KCNQ1OT1: variants seen among roughly 807,000 people sequenced by gnomAD.
KCNQ1OT1 encodes KCNQ1 antisense RNA 2 (non-protein coding).
At chr11:2,609,896 G>GCC (rs920415870) in exon 1 of KCNQ1OT1, 2 of 397,792 alleles carry the variant, frequency 5.0e-6, no homozygotes, top group African/African-American at 4.1e-5. Context: ...CTTTCAGTTG[G>GCC]CATTTATCAT....
chr11:2,666,187 C>A, exon 1 of KCNQ1OT1: 1 of 398,600 alleles, frequency 2.5e-6, no homozygotes, highest in South Asian at 1.3e-4. Context: ...AGATACCGCC[C>A]TCAGTCCCAC....
At position 2,658,316 on chromosome 11, in the gene KCNQ1OT1, T is replaced by C. The variant is rs1325330137; in HGVS notation, n.41679A>G. ...GGAATTCCTTTATAAGGAAGATTTG[T>C]CCCTCTCCTCCAATTGTTTATTTAA... On this transcript the variant is annotated non_coding_transcript_exon_variant, in exon 1 of 1. Transcript: ENST00000597346. This position sits in a 1 kb window ranked among gnomAD's most constrained non-coding sequence, Gnocchi z 4.9. The C allele has an allele frequency of 4.3e-5, 17 of 398,474 alleles. No homozygotes were observed. The highest frequency in any genetic ancestry group is 6.6e-5 in the Non-Finnish European group (15 of 226,060). 24.7% of individuals were successfully genotyped at this position (398,474 alleles called of 1,614,324 possible).
chr11:2,684,088 G>T (rs1356781952), exon 1 of KCNQ1OT1: 1 of 398,254 alleles, frequency 2.5e-6, no homozygotes, highest in Non-Finnish European at 4.4e-6. Context: ...AACTGGTACA[G>T]CAATTTCAGA....
chr11:2,670,969 C>T lies in KCNQ1OT1; in HGVS notation n.29026G>A, dbSNP rs1025927192. On this transcript the variant is annotated non_coding_transcript_exon_variant, in exon 1 of 1. Coordinates refer to ENST00000597346, the Ensembl canonical transcript of KCNQ1OT1. This position sits in a 1 kb window ranked among gnomAD's most constrained non-coding sequence, Gnocchi z 4.9. ...CATGCCTTCTTATGGTGCCCCAGAG[C>T]CCCTGGCTAGGCATTCATGCTTTAG... The T allele has an allele frequency of 1.4e-4, 57 of 398,510 alleles. No individual in the cohort carries two copies. The highest frequency in any genetic ancestry group is 2.6e-4 in the Admixed American group (6 of 22,718). 24.7% of individuals were successfully genotyped at this position (398,510 alleles called of 1,614,324 possible).
At chr11:2,615,681 CATTG>C (rs1212442421) in exon 1 of KCNQ1OT1, 2 of 397,880 alleles carry the variant, frequency 5.0e-6, no homozygotes, top group Non-Finnish European at 8.9e-6. Context: ...TGGTGTATTA[CATTG>C]ATTGATACTC....
rs1848973658 is a variant in KCNQ1OT1 at position 2,611,090 on chromosome 11, A to G, written n.88905T>C. On this transcript the variant is annotated non_coding_transcript_exon_variant, in exon 1 of 1. Coordinates refer to ENST00000597346, the Ensembl canonical transcript of KCNQ1OT1. The surrounding 1 kb of genome is among the most constrained non-coding windows in gnomAD (Gnocchi z 5.3). ...GTGTTTTTAGCTGTTATAAATTTTT[A>G]TTTCTTTATGACTTCTGTTTATGAT... is the stretch of plus-strand genomic sequence containing the variant. The G allele has an allele frequency of 2.5e-6, 1 of 397,552 alleles. No homozygotes were observed. Among genetic ancestry groups the G allele is most frequent in the Non-Finnish European group, 4.4e-6 (1 of 225,822 alleles). The allele number at this position is 397,552 out of a possible 1,614,324, so 24.6% of individuals were successfully genotyped here.
exon 1 of KCNQ1OT1, chr11:2,688,145 C>G (rs1265351203): frequency 2.5e-6 from 1 of 398,586 alleles, no homozygotes; most frequent in East Asian, 3.6e-5. Flanking sequence ...TGGAGAGACC[C>G]CACGCAGCTC....
chr11:2,640,848 C>T (rs1849564904), exon 1 of KCNQ1OT1: 1 of 399,240 alleles, frequency 2.5e-6, no homozygotes, highest in African/African-American at 2.1e-5. Flanking sequence ...CTTTCACAGC[C>T]TTTGGTATCT....
exon 1 of KCNQ1OT1, chr11:2,640,157 G>T (rs999520496): frequency 1.9e-5 from 7 of 368,704 alleles, no homozygotes; most frequent in Non-Finnish European, 3.4e-5. Context: ...GTGCTTCCCA[G>T]GTGAGGCGAT....
At chr11:2,610,453 T>G (rs904781964) in exon 1 of KCNQ1OT1, 2 of 398,268 alleles carry the variant, frequency 5.0e-6, no homozygotes, top group Non-Finnish European at 8.9e-6. Flanking sequence ...TGATCCACTT[T>G]TTTGGTTTTT....
chr11:2,648,968 CTTTT>C (rs1256301442), exon 1 of KCNQ1OT1: 1 of 369,234 alleles, frequency 2.7e-6, no homozygotes, highest in African/African-American at 2.5e-5. Flanking sequence ...TCCTTTGTCT[CTTTT>C]TTCTTTTTCT....
At position 2,660,866 on chromosome 11, in the gene KCNQ1OT1, A is replaced by G. The variant is rs1200099964; in HGVS notation, n.39129T>C. The G allele has an allele frequency of 1.3e-5, 5 of 398,548 alleles. No homozygotes were observed. In the South Asian group the frequency reaches 6.4e-4, roughly 51 times the overall value. 24.7% of individuals were successfully genotyped at this position (398,548 alleles called of 1,614,324 possible). ...CTCCAGTATGTCAGCTTTTAAGAATAAAGATGAATATGGCATCATAGTCTG... is the reference window on the plus strand; with the variant it reads ...CTCCAGTATGTCAGCTTTTAAGAATGAAGATGAATATGGCATCATAGTCTG... On this transcript the variant is annotated non_coding_transcript_exon_variant, in exon 1 of 1. Coordinates refer to ENST00000597346, the Ensembl canonical transcript of KCNQ1OT1.
At chr11:2,699,288 A>G (rs2133901672) in exon 1 of KCNQ1OT1, 1 of 398,936 alleles carries the variant, frequency 2.5e-6, no homozygotes, top group South Asian at 1.3e-4. Flanking sequence ...TGCACTGCTG[A>G]CGCCTGTGAT....
exon 1 of KCNQ1OT1, chr11:2,694,069 G>T: frequency 2.5e-6 from 1 of 398,692 alleles, no homozygotes; most frequent in Non-Finnish European, 4.4e-6. Context: ...CAGCTGACAC[G>T]TAGTTCCAAC....
At position 2,646,207 on chromosome 11, in the gene KCNQ1OT1, A is replaced by G. The variant is rs544326206; in HGVS notation, n.53788T>C. ...ACCTACTTGCTATATTTTGTGGAGGAGGTGAGTGCCAGATGCCTCTAGTCA... is the reference window on the plus strand; with the variant it reads ...ACCTACTTGCTATATTTTGTGGAGGGGGTGAGTGCCAGATGCCTCTAGTCA... On this transcript the variant is annotated non_coding_transcript_exon_variant, in exon 1 of 1. Transcript: ENST00000597346. 4.0e-5 allele frequency: 16 copies of G among 398,524 alleles called. 1 individual carries two copies. The East Asian group carries it at 5.7e-4, about 14-fold the overall frequency. The allele number at this position is 398,524 out of a possible 1,614,324, so 24.7% of individuals were successfully genotyped here.
Position 2,618,000 on chromosome 11 carries a change from T to C in KCNQ1OT1, n.81995A>G, listed in dbSNP as rs909114813. 5 of 398,482 alleles carry C rather than the reference T, an allele frequency of 1.3e-5. No individual in the cohort carries two copies. Among genetic ancestry groups the C allele is most frequent in the African/African-American group, 1.0e-4 (5 of 48,626 alleles). 24.7% of individuals were successfully genotyped at this position (398,482 alleles called of 1,614,324 possible). On this transcript the variant is annotated non_coding_transcript_exon_variant, in exon 1 of 1. Coordinates refer to ENST00000597346, the Ensembl canonical transcript of KCNQ1OT1. The surrounding 1 kb of genome is among the most constrained non-coding windows in gnomAD (Gnocchi z 4.6). Reference sequence around the variant, plus strand: ...TCCATAGGTTGCCTTTTCCTTTTGTTGACTGTTTCCGTTCCTGTGCAGAAG... The same window carrying C: ...TCCATAGGTTGCCTTTTCCTTTTGTCGACTGTTTCCGTTCCTGTGCAGAAG...
exon 1 of KCNQ1OT1, chr11:2,680,600 A>G (rs566300567): frequency 1.5e-5 from 6 of 398,444 alleles, no homozygotes; most frequent in Non-Finnish European, 2.7e-5. Context: ...CCCCGATAGT[A>G]ACATCTTGCA....
chr11:2,699,890 CA>C, exon 1 of KCNQ1OT1: 3 of 398,354 alleles, frequency 7.5e-6, no homozygotes, highest in Non-Finnish European at 1.3e-5. Context: ...CGGGGAGGAC[CA>C]CGCTGAGAGG....
chr11:2,668,827 T>C lies in KCNQ1OT1; in HGVS notation n.31168A>G, dbSNP rs1378603411. The C allele has an allele frequency of 2.5e-6, 1 of 398,508 alleles. No homozygotes were observed. The highest frequency in any genetic ancestry group is 2.1e-5 in the African/African-American group (1 of 48,630). The allele number at this position is 398,508 out of a possible 1,614,324, so 24.7% of individuals were successfully genotyped here. A position where few individuals can be genotyped will look rare whatever the true frequency, so the allele number is the denominator to read the frequency against. On this transcript the variant is annotated non_coding_transcript_exon_variant, in exon 1 of 1. Transcript: ENST00000597346. This position sits in a 1 kb window ranked among gnomAD's most constrained non-coding sequence, Gnocchi z 4.3. ...TCATGTGGTCCAGTTAATCAAACAT[T>C]TCCTCTCTGGATAGGGCTGTTTGTG...
Sources: gnomAD v4.1 joint callset for allele counts on GRCh38, gnomAD v4.1.1 for gene constraint, Gnocchi (gnomAD v3.1) non-coding constraint, MANE v1.5 for transcripts, NCBI Gene and HGNC (gene_info 2026-07-23, HGNC 2026-07-21) for gene names.